The following MYH8 variants were observed in gnomAD, a reference collection of about 807,000 sequenced individuals.
MYH8 encodes myosin heavy chain 8.
A neutral mutation model predicts 233.2 loss-of-function variants in MYH8; 168 were observed. The ratio of observed to expected loss-of-function variants is 0.72; its 90% CI spans 0.64 to 0.82. The LOEUF is 0.82. Ranked by LOEUF, MYH8 falls within the 40% of genes least tolerant of loss-of-function variation. The pLI, the probability that MYH8 is intolerant of heterozygous loss-of-function variation, is 0.00. For synonymous variants in MYH8, 785 were observed against 850.6 expected, an observed-to-expected ratio of 0.92 and a Z score of 1.34; for missense variants, 1,995 against 2,327.8, an observed-to-expected ratio of 0.86 and a Z score of 2.94.
At chr17:10,416,163 A>T (rs1394359284) in intron 5 of MYH8, among the ~76,000 whole-genome samples, 2 of 152,082 alleles carry the variant, frequency 1.3e-5, no homozygotes, top group Non-Finnish European at 2.9e-5. Context: ...GCCTCTGTGA[A>T]TTTGACTACT....
At chr17:10,418,608 T>C in intron 5 of MYH8, 37 bp downstream of exon 5, 1 of 1,613,102 alleles carries the variant, frequency 6.2e-7, no homozygotes, top group Non-Finnish European at 8.5e-7. Context: ...AAGATTCTAT[T>C]TACACATTTC....
At position 10,398,608 on chromosome 17, in the gene MYH8, G is replaced by A. The variant is rs750304206; in HGVS notation, c.4014C>T (p.Ser1338=). The A allele has an allele frequency of 2.5e-6, 4 of 1,614,072 alleles. No individual in the cohort carries two copies. The East Asian group carries it at 8.9e-5, about 36-fold the overall frequency. ...GCAGCAGGTCGCAGTCATGGCGGGA[G>A]GACTGCAGGGCGTGTGCCAGGGCGT... ...AKNALAHALQ[S]SRHDCDLLRE... The change falls in exon 30 of 40, where the codon TCC becomes TCT. Residue 1338 remains serine (S), a synonymous_variant. Transcript: ENST00000403437.
intron 12 of MYH8, among the ~76,000 whole-genome samples, chr17:10,413,328 C>T (rs1408148460): frequency 1.3e-5 from 2 of 152,174 alleles, no homozygotes; most frequent in Admixed American, 6.5e-5. Flanking sequence ...TCAGGAAAGG[C>T]TTTAAGGAGC....
At position 10,420,229 on chromosome 17, in the gene MYH8, G is replaced by A. The variant is rs1415230084; in HGVS notation, c.-2C>T. 2 of 1,612,886 alleles carry A rather than the reference G, an allele frequency of 1.2e-6. No individual in the cohort carries two copies. Among genetic ancestry groups the A allele is most frequent in the Admixed American group, 3.3e-5 (2 of 60,032 alleles). On this transcript the variant is annotated 5_prime_UTR_variant, in exon 3 of 40. Transcript: ENST00000403437. The stretch of plus-strand genomic sequence containing the variant: ...CTCAGCGTCTGAGCTCGCACTCATG[G>A]CTGCGATTTATTTAGCAAAGGATTC...
chr17:10,410,957 A>G lies in MYH8; in HGVS notation c.1417-10T>C. The G allele has an allele frequency of 6.2e-7, 1 of 1,614,156 alleles. No individual in the cohort carries two copies. The highest frequency in any genetic ancestry group is 2.2e-5 in the East Asian group (1 of 44,890). On this transcript the variant is annotated splice_polypyrimidine_tract_variant and intron_variant, in intron 14 of 39. Coordinates refer to ENST00000403437, the MANE Select transcript of MYH8 (RefSeq NM_002472.3). ...GCTCCAGGCTGTTAAACTACACAAAATAATAGAGATTTCCAACATCAAATG... is the reference window on the plus strand; with the variant it reads ...GCTCCAGGCTGTTAAACTACACAAAGTAATAGAGATTTCCAACATCAAATG...
chr17:10,414,288 G>C lies in MYH8; in HGVS notation c.912C>G (p.Leu304=), dbSNP rs574646948. The change falls in exon 11 of 40, where the codon CTC becomes CTG. Residue 304 remains leucine, a synonymous_variant. Coordinates refer to ENST00000403437, the MANE Select transcript of MYH8 (RefSeq NM_002472.3). ...AGTCATATGGGTTGGTGGTGATCAG[G>C]AGCATTTCTGGGTCACAGAATTCAG... ...SNKKPDLIEM[L]LITTNPYDYA... is the part of the protein sequence containing the mutation. 12 of 1,614,042 alleles carry C rather than the reference G, an allele frequency of 7.4e-6. No individual in the cohort carries two copies. The African/African-American group carries it at 1.5e-4, about 20-fold the overall frequency.
chr17:10,396,270 CT>C lies in MYH8; in HGVS notation c.4653+59del, dbSNP rs1567682053. On this transcript the variant is annotated intron_variant, in intron 33 of 39. Transcript: ENST00000403437. The surrounding 1 kb of genome is among the most constrained non-coding windows in gnomAD (Gnocchi z 4.2). The stretch of plus-strand genomic sequence containing the variant: ...TGAGTTTAAATTATCACTAGCCCCA[CT>C]TTTTTTTAACTGATGTTTGTCTTTG... 1.4e-5 allele frequency: 23 copies of C among 1,591,856 alleles called. No individual in the cohort carries two copies. Among genetic ancestry groups the C allele is most frequent in the South Asian group, 7.8e-5 (7 of 89,262 alleles).
Position 10,420,270 on chromosome 17 carries a change from G to A in MYH8, c.-30-13C>T, listed in dbSNP as rs1346211056. The A allele has an allele frequency of 6.3e-7, 1 of 1,599,064 alleles. No individual in the cohort carries two copies. The highest frequency in any genetic ancestry group is 1.1e-5 in the South Asian group (1 of 90,620). The stretch of plus-strand genomic sequence containing the variant: ...CAAAGGATTCTGCCTAGGGAGGAGA[G>A]AAACGGGAGAGAGAGATATAAAAAG... On this transcript the variant is annotated splice_polypyrimidine_tract_variant and intron_variant, in intron 2 of 39. Transcript: ENST00000403437.
intron 38 of MYH8, among the ~76,000 whole-genome samples, chr17:10,392,305 A>AGATC (rs2072033672): frequency 8.5e-6 from 1 of 117,512 alleles, no homozygotes; most frequent in African/African-American, 5.2e-5. Context: ...ACTAATACCC[A>AGATC]GTTAATCTGC....
In MYH8 at chr17:10,401,373, C is replaced by T. The variant is rs2072140140; in HGVS notation, c.3010G>A (p.Glu1004Lys). Residue 1004 changes from glutamate to lysine, a missense_variant, in exon 24 of 40, where the codon GAG (glutamate) becomes AAG (lysine). Transcript: ENST00000403437. ...TCATCCAGGGTCTGCTGGTGGGTCT[C>T]TTGGAGAGCCTTCTTCTCCTTGGAC... ...KLSKEKKALQ[E>K]THQQTLDDLQ... The T allele has an allele frequency of 6.2e-7, 1 of 1,614,098 alleles. No individual in the cohort carries two copies. The highest frequency in any genetic ancestry group is 8.5e-7 in the Non-Finnish European group (1 of 1,180,038).
chr17:10,415,250 G>C lies in MYH8; in HGVS notation c.741+42C>G, dbSNP rs1397382775. 6.2e-7 allele frequency: 1 copy of C among 1,601,574 alleles called. No individual in the cohort carries two copies. Among genetic ancestry groups the C allele is most frequent in the Admixed American group, 1.7e-5 (1 of 60,006 alleles). ...ATGCAAATGAAATAATAATTCAGAC[G>C]TGGCTACTCTGGAAGTTAGGGGTTG... On this transcript the variant is annotated intron_variant, in intron 8 of 39. Coordinates refer to ENST00000403437, the MANE Select transcript of MYH8 (RefSeq NM_002472.3). This position sits in a 1 kb window ranked among gnomAD's most constrained non-coding sequence, Gnocchi z 4.1.
chr17:10,412,335 T>C (rs761190480), intron 14 of MYH8, 35 bp downstream of exon 14: 2 of 1,614,028 alleles, frequency 1.2e-6, no homozygotes, highest in East Asian at 2.2e-5. Flanking sequence ...AAGCCCACAA[T>C]TGCCTCCTTC....
chr17:10,406,334 A>G lies in MYH8; in HGVS notation c.2235T>C (p.Ser745=), dbSNP rs199773442. The G allele has an allele frequency of 4.5e-5, 72 of 1,613,378 alleles. No homozygotes were observed. The highest frequency in any genetic ancestry group is 5.9e-5 in the Non-Finnish European group (70 of 1,179,418). The change falls in exon 20 of 40, where the codon TCT becomes TCC. Residue 745 remains serine (S), a synonymous_variant. Coordinates refer to ENST00000403437, the MANE Select transcript of MYH8 (RefSeq NM_002472.3). The part of the protein sequence containing the change: ...EGQFIDSKKA[S]EKLLASIDID... ...TATCAATAGATGCAAGAAGTTTCTC[A>G]GAAGCCTTCTTGCTGTCAATGAACT...
chr17:10,401,774 G>C lies in MYH8; in HGVS notation c.2700C>G (p.Ser900Arg). 6.2e-7 allele frequency: 1 copy of C among 1,614,126 alleles called. No homozygotes were observed. Among genetic ancestry groups the C allele is most frequent in the Non-Finnish European group, 8.5e-7 (1 of 1,180,030 alleles). ...CACACCTTTCCTCTGCATCAGCCAA[G>C]CTATCTGCTTCCTATGGAGAGATTC... ...LQLQVQSEADSLADAEERCEQ... is the reference protein window; with the variant it reads ...LQLQVQSEADRLADAEERCEQ... Residue 900 changes from serine to arginine, a missense_variant, in exon 23 of 40, where the codon AGC becomes AGG. Around this residue, in one of 3 missense-constraint regions of MYH8, gnomAD observed 1,498 missense variants for 1,680.9 expected, o/e 0.89. Coordinates refer to ENST00000403437, the MANE Select transcript of MYH8 (RefSeq NM_002472.3).
chr17:10,412,755 T>C, intron 12 of MYH8, 27 bp from the exon 13 acceptor site: 1 of 1,550,508 alleles, frequency 6.4e-7, no homozygotes, highest in Non-Finnish European at 8.9e-7. Context: ...CAGGACATGT[T>C]GTTTCATGAA....
chr17:10,420,348 G>A, intron 2 of MYH8, 91 bp from the exon 3 acceptor site: 1 of 1,180,560 alleles, frequency 8.5e-7, no homozygotes, highest in Non-Finnish European at 1.2e-6. Flanking sequence ...GTTGAACATA[G>A]CCTGTGCTGT....
chr17:10,390,533 C>T lies in MYH8; in HGVS notation c.5735G>A (p.Arg1912Gln), dbSNP rs766839152. 6.2e-6 allele frequency: 10 copies of T among 1,614,042 alleles called. No individual in the cohort carries two copies. The highest frequency in any genetic ancestry group is 2.2e-5 in the East Asian group (1 of 44,896). Residue 1912 changes from arginine to glutamine, a missense_variant, in exon 40 of 40, where the codon CGG (arginine) becomes CAG (glutamine). By Grantham distance (43) the Arg-to-Gln change is conservative (BLOSUM62 1). This residue lies in a region of MYH8 where 1,498 missense variants were observed against 1,680.9 expected (regional missense o/e 0.89). Transcript: ENST00000403437. ...GACCTGGGACTCAGCAATGTCAGCC[C>T]GTTCCTCGGCCTCCTCCAGCTCATG... ...LQHELEEAEERADIAESQVNK... is the reference protein window; with the variant it reads ...LQHELEEAEEQADIAESQVNK...
chr17:10,420,161 CT>C lies in MYH8; in HGVS notation c.66del (p.Glu23LysfsTer28), dbSNP rs1332362791. 1 of 1,614,152 alleles carries C rather than the reference CT, an allele frequency of 6.2e-7. No homozygotes were observed. Among genetic ancestry groups the C allele is most frequent in the Admixed American group, 1.7e-5 (1 of 60,020 alleles). On this transcript the variant is annotated frameshift_variant, in exon 3 of 40. Coordinates refer to ENST00000403437, the MANE Select transcript of MYH8 (RefSeq NM_002472.3). LOFTEE classifies it high-confidence loss of function. Reference sequence around the variant, plus strand: ...TTTTGGGCCTCAATCCGCTCCTTTTCTGATTTTCGAAGGTAGGGAGCAGCTT... The same window carrying C: ...TTTTGGGCCTCAATCCGCTCCTTTTCGATTTTCGAAGGTAGGGAGCAGCTT... ...FGEAAPYLRK[S>X]EKERIEAQNK...
intron 9 of MYH8, 70 bp from the exon 10 acceptor site, chr17:10,414,554 G>A (rs966449834): frequency 3.7e-5 from 39 of 1,049,358 alleles, no homozygotes; most frequent in South Asian, 1.1e-4. Context: ...TGAACCTCAC[G>A]TCTTTGGTCA....
Sources: gnomAD v4.1 joint callset for allele counts (sites outside exome capture counted in the v4.1 genomes callset) on GRCh38, gnomAD v4.1.1 for gene constraint, gnomAD v4.1.1 regional missense constraint, Gnocchi (gnomAD v3.1) non-coding constraint, MANE v1.5 for transcripts, NCBI Gene and HGNC (gene_info 2026-07-23, HGNC 2026-07-21) for gene names.